GYPC: variants seen among roughly 807,000 people sequenced by gnomAD.
GYPC encodes glycophorin-C.
GYPC carries 14 observed loss-of-function variants against 12.6 expected under a neutral mutation model. The ratio of observed to expected loss-of-function variants is 1.11; its 90% CI spans 0.74 to 1.74. The LOEUF (loss-of-function observed/expected upper bound fraction) is 1.74, where lower values mean the gene tolerates loss of function less well. Ranked by LOEUF, GYPC falls within the 40% of genes most tolerant of loss-of-function variation. The pLI is 0.00. For synonymous variants in GYPC, 78 were observed against 62.1 expected, an observed-to-expected ratio of 1.26 and a Z score of -1.20; for missense variants, 225 against 172.1, an observed-to-expected ratio of 1.31 and a Z score of -1.72.
rs369493955 is a variant in GYPC at position 126,677,834 on chromosome 2, G to A, written c.50-12421G>A. Among the ~76,000 whole-genome samples, 13 of 152,304 alleles carry A rather than the reference G, an allele frequency of 8.5e-5. No homozygotes were observed. In the East Asian group the frequency reaches 2.3e-3, roughly 27 times the overall value. Reference sequence around the variant, plus strand: ...CCACCTATCAGGATGCACCCTTAAAGCACTTTTAAGATGCTTTTTGGAAAG... The same window carrying A: ...CCACCTATCAGGATGCACCCTTAAAACACTTTTAAGATGCTTTTTGGAAAG... On this transcript the variant is annotated intron_variant, in intron 1 of 3. Transcript: ENST00000259254.
Position 126,687,623 on chromosome 2 carries a change from G to A in GYPC, c.50-2632G>A, listed in dbSNP as rs185531882. 1.5e-4 allele frequency among the ~76,000 whole-genome samples: 23 copies of A among 152,314 alleles called. No individual in the cohort carries two copies. In the East Asian group the frequency reaches 4.4e-3, roughly 29 times the overall value. ...TTCAGCTCCACACACTTGGTGGGGT[G>A]GGGGGCATGGAGAGAGTAGTTCCAG... On this transcript the variant is annotated intron_variant, in intron 1 of 3. Coordinates refer to ENST00000259254, the MANE Select transcript of GYPC (RefSeq NM_002101.5).
At chr2:126,664,208 CTT>C (rs55692460) in intron 1 of GYPC, among the ~76,000 whole-genome samples, 1 of 149,876 alleles carries the variant, frequency 6.7e-6, no homozygotes, top group African/African-American at 2.5e-5. Flanking sequence ...TTTTCATAGT[CTT>C]TTTTTTTTCT....
intron 1 of GYPC, among the ~76,000 whole-genome samples, chr2:126,659,592 G>A (rs940363730): frequency 6.6e-6 from 1 of 152,104 alleles, no homozygotes; most frequent in Non-Finnish European, 1.5e-5. Flanking sequence ...TTTTGTTAGC[G>A]AAATTTATTG....
At chr2:126,693,785 G>T (rs148779992) in intron 2 of GYPC, 79 bp from the exon 3 acceptor site, 9 of 940,548 alleles carry the variant, frequency 9.6e-6, no homozygotes, top group Non-Finnish European at 3.5e-6. Flanking sequence ...CCTGAGCAAA[G>T]GATGCAGCTT....
chr2:126,688,737 G>C lies in GYPC; in HGVS notation c.50-1518G>C, dbSNP rs894855477. ...ACCTGCTTCCTGCTGTGGACCCCTA[G>C]CTGGGAGTCTGTTTTCCCCTCACCC... On this transcript the variant is annotated intron_variant, in intron 1 of 3. Coordinates refer to ENST00000259254, the MANE Select transcript of GYPC (RefSeq NM_002101.5). 4.6e-5 allele frequency among the ~76,000 whole-genome samples: 7 copies of C among 152,070 alleles called. No homozygotes were observed. The East Asian group carries it at 5.8e-4, about 13-fold the overall frequency.
intron 1 of GYPC, chr2:126,686,055 C>T (rs541109650): frequency 2.0e-6 from 2 of 985,152 alleles, no homozygotes; most frequent in East Asian, 1.1e-4. Context: ...ACTCCTATGG[C>T]AGAGGGGAGC....
At chr2:126,659,487 G>A (rs1358880357) in intron 1 of GYPC, among the ~76,000 whole-genome samples, 2 of 152,206 alleles carry the variant, frequency 1.3e-5, no homozygotes, top group African/African-American at 2.4e-5. Context: ...CCATCTGTGA[G>A]TGGGAATGAT....
chr2:126,692,210 C>T (rs1364785028), intron 2 of GYPC, among the ~76,000 whole-genome samples: 6 of 152,070 alleles, frequency 3.9e-5, no homozygotes, highest in Non-Finnish European at 8.8e-5. Flanking sequence ...GCTCCCGAGA[C>T]CCAGATCCTG....
chr2:126,687,564 C>T (rs1483283569), intron 1 of GYPC, among the ~76,000 whole-genome samples: 8 of 152,206 alleles, frequency 5.3e-5, no homozygotes, highest in East Asian at 1.9e-4. Context: ...ATGTCACTCC[C>T]CTGGAGTCTG....
intron 2 of GYPC, among the ~76,000 whole-genome samples, chr2:126,692,310 C>G (rs1269194413): frequency 6.6e-6 from 1 of 152,100 alleles, no homozygotes; most frequent in South Asian, 2.1e-4. Flanking sequence ...CCAGACACCC[C>G]TAGCTTGGCC....
chr2:126,693,790 C>G (rs528010402), intron 2 of GYPC, 74 bp from the exon 3 acceptor site: 1 of 985,596 alleles, frequency 1.0e-6, no homozygotes, highest in East Asian at 2.4e-5. Context: ...GCAAAGGATG[C>G]AGCTTGGGCC....
At chr2:126,673,578 C>T (rs1682911405) in intron 1 of GYPC, among the ~76,000 whole-genome samples, 1 of 152,172 alleles carries the variant, frequency 6.6e-6, no homozygotes, top group African/African-American at 2.4e-5. Context: ...AATAACAATC[C>T]TAAAGCCACA....
chr2:126,671,844 C>G (rs574954589), intron 1 of GYPC, among the ~76,000 whole-genome samples: 1 of 152,250 alleles, frequency 6.6e-6, no homozygotes, highest in Admixed American at 6.5e-5. Flanking sequence ...GCCAGTGAAG[C>G]CGGGAAGGGA....
At chr2:126,685,674 C>T (rs1334362406) in intron 1 of GYPC, among the ~76,000 whole-genome samples, 1 of 152,202 alleles carries the variant, frequency 6.6e-6, no homozygotes, top group Non-Finnish European at 1.5e-5. Flanking sequence ...TGAGCCACTG[C>T]ACCCGGCCTG....
At chr2:126,670,986 G>T (rs774008551) in intron 1 of GYPC, among the ~76,000 whole-genome samples, 17 of 152,174 alleles carry the variant, frequency 1.1e-4, no homozygotes, top group Non-Finnish European at 2.2e-4. Context: ...TTAACCAACA[G>T]GAGACTCTCT....
At chr2:126,667,290 G>T (rs1682710614) in intron 1 of GYPC, among the ~76,000 whole-genome samples, 1 of 152,074 alleles carries the variant, frequency 6.6e-6, no homozygotes, top group Admixed American at 6.5e-5. Flanking sequence ...TATCAGTAAA[G>T]AAAACAGAAA....
chr2:126,677,234 AGTGT>A (rs777227424), intron 1 of GYPC, among the ~76,000 whole-genome samples: 5 of 151,310 alleles, frequency 3.3e-5, no homozygotes, highest in Non-Finnish European at 5.9e-5. Flanking sequence ...TATGTGGGAG[AGTGT>A]GTGTAAGAGT....
chr2:126,690,264 C>G lies in GYPC; in HGVS notation c.59C>G (p.Pro20Arg), dbSNP rs143216051. 9 of 1,612,176 alleles carry G rather than the reference C, an allele frequency of 5.6e-6. No homozygotes were observed. In the African/African-American group the frequency reaches 6.7e-5, roughly 12 times the overall value. ...TAWPLSLEPD[P>R]GMASASTTMH... ...TGTCCTCTGTTCACAGAGCCTGATC[C>G]GGGGATGGCCTCTGCCTCCACCACA... Residue 20 changes from proline to arginine, a missense_variant, in exon 2 of 4, where the codon CCG (proline) becomes CGG (arginine). Pro to Arg is a moderately radical substitution (Grantham distance 103). Coordinates refer to ENST00000259254, the MANE Select transcript of GYPC (RefSeq NM_002101.5).
rs199573593 is a variant in GYPC, at chr2:126,695,972, C to T, written c.217C>T (p.Leu73=). 4.5e-5 allele frequency: 72 copies of T among 1,614,122 alleles called. No individual in the cohort carries two copies. The highest frequency in any genetic ancestry group is 1.2e-4 in the Admixed American group (7 of 60,032). Residue 73 remains leucine (L), a synonymous_variant, in exon 4 of 4, where the codon CTA becomes TTA. Transcript: ENST00000259254. ...AGVIAAVAIV[L]VSLLFVMLRY... is the part of the protein sequence containing the mutation. Reference sequence around the variant, plus strand: ...TGTGATTGCTGCTGTGGCCATCGTCCTAGTCTCCCTCCTCTTCGTCATGCT... The same window carrying T: ...TGTGATTGCTGCTGTGGCCATCGTCTTAGTCTCCCTCCTCTTCGTCATGCT...
Sources: gnomAD v4.1 joint callset for allele counts (sites outside exome capture counted in the v4.1 genomes callset) on GRCh38, gnomAD v4.1.1 for gene constraint, MANE v1.5 for transcripts, NCBI Gene and HGNC (gene_info 2026-07-23, HGNC 2026-07-21) for gene names.